GAB1: variants seen among roughly 807,000 people sequenced by gnomAD.
GAB1 encodes GRB2-associated-binding protein 1.
In GAB1, 19 loss-of-function variants were observed where a neutral mutation model predicts 66.5. That is an observed-to-expected ratio of 0.29 (90% CI 0.20 to 0.42). The LOEUF (loss-of-function observed/expected upper bound fraction) is 0.42. Among genes scored for constraint, GAB1 ranks in the 10% least tolerant of loss-of-function variants. The pLI is 1.00. For synonymous variants in GAB1, 294 were observed against 301.4 expected, an observed-to-expected ratio of 0.98 and a Z score of 0.25; for missense variants, 732 against 858.5, an observed-to-expected ratio of 0.85 and a Z score of 1.84.
intron 8 of GAB1, among the ~76,000 whole-genome samples, chr4:143,461,553 G>A (rs1274468292): frequency 6.6e-6 from 1 of 152,186 alleles, no homozygotes. Context: ...CCTCGAAACT[G>A]CTTTATAGAA....
intron 1 of GAB1, among the ~76,000 whole-genome samples, chr4:143,339,508 C>T (rs764558240): frequency 3.3e-5 from 5 of 152,186 alleles, no homozygotes; most frequent in Non-Finnish European, 7.3e-5. Context: ...GAGACTCCGT[C>T]TCAAAAATAG....
intron 1 of GAB1, among the ~76,000 whole-genome samples, chr4:143,410,569 G>C (rs975235212): frequency 6.6e-6 from 1 of 152,174 alleles, no homozygotes; most frequent in Non-Finnish European, 1.5e-5. Flanking sequence ...GCTTCAGTGT[G>C]ACAGTTCTAC....
intron 1 of GAB1, among the ~76,000 whole-genome samples, chr4:143,408,204 A>G (rs1182476672): frequency 6.6e-6 from 1 of 152,232 alleles, no homozygotes; most frequent in Non-Finnish European, 1.5e-5. Context: ...ATTGCAGAGT[A>G]ATAATAAAAT....
At chr4:143,453,435 T>C (rs1039782699) in intron 6 of GAB1, among the ~76,000 whole-genome samples, 1 of 152,186 alleles carries the variant, frequency 6.6e-6, no homozygotes, top group Non-Finnish European at 1.5e-5. Context: ...ATTTCATGCA[T>C]CTGCTTTTGG....
intron 1 of GAB1, chr4:143,394,761 G>GA (rs2149691269): frequency 6.6e-6 from 1 of 152,084 alleles, no homozygotes; most frequent in South Asian, 2.1e-4. Flanking sequence ...TAAAAAACAG[G>GA]AAAAAAATTT....
intron 1 of GAB1, chr4:143,350,131 G>A (rs1025532541): frequency 1.1e-4 from 100 of 940,070 alleles, no homozygotes; most frequent in South Asian, 1.0e-3. Context: ...GTGTTTTCTC[G>A]GAAAAGAAGC....
chr4:143,429,907 A>G lies in GAB1; in HGVS notation c.368-3584A>G, dbSNP rs957742782. Among the ~76,000 whole-genome samples the G allele has an allele frequency of 2.0e-5, 3 of 152,258 alleles. No homozygotes were observed. In the East Asian group the frequency reaches 5.8e-4, roughly 29 times the overall value. The stretch of plus-strand genomic sequence containing the variant: ...TGCTCCAAATTTTGTTCACAGGATT[A>G]TACCTTACTCAATTATTAAAGGCCA... On this transcript the variant is annotated intron_variant, in intron 2 of 9. Coordinates refer to ENST00000262994, the MANE Select transcript of GAB1 (RefSeq NM_002039.4).
At chr4:143,391,426 G>T (rs1223589725) in intron 1 of GAB1, 1 of 152,206 alleles carries the variant, frequency 6.6e-6, no homozygotes, top group East Asian at 1.9e-4. Context: ...TTAGCTATAT[G>T]CTCTTCCTTC....
rs980246767 is a variant in GAB1 at position 143,470,287 on chromosome 4, T to G, written c.*1098T>G. Reference sequence around the variant, plus strand: ...TTTAATTCCCTATGCAATTAATATTTTATATCTGCATTTTTTTAAAAAAAA... The same window carrying G: ...TTTAATTCCCTATGCAATTAATATTGTATATCTGCATTTTTTTAAAAAAAA... On this transcript the variant is annotated 3_prime_UTR_variant, in exon 10 of 10. Transcript: ENST00000262994. 3 of 152,216 alleles carry G rather than the reference T, an allele frequency of 2.0e-5. No homozygotes were observed. The highest frequency in any genetic ancestry group is 4.4e-5 in the Non-Finnish European group (3 of 68,034). The allele number at this position is 152,216 out of a possible 1,614,324, so 9.4% of individuals were successfully genotyped here.
intron 2 of GAB1, among the ~76,000 whole-genome samples, chr4:143,432,926 T>A (rs973921430): frequency 6.6e-6 from 1 of 152,226 alleles, no homozygotes; most frequent in Admixed American, 6.5e-5. Flanking sequence ...GAAGAGGTGA[T>A]GCCTTAAAGA....
chr4:143,382,419 A>T (rs1560730825), intron 1 of GAB1, among the ~76,000 whole-genome samples: 1 of 152,208 alleles, frequency 6.6e-6, no homozygotes, highest in African/African-American at 2.4e-5. Context: ...TCCCTCAGGA[A>T]TAGTGTAAAA....
At chr4:143,344,749 CA>C (rs1728936478) in intron 1 of GAB1, among the ~76,000 whole-genome samples, 1 of 152,140 alleles carries the variant, frequency 6.6e-6, no homozygotes, top group Non-Finnish European at 1.5e-5. Context: ...TATGTTTGAG[CA>C]TCTTAAATAA....
At chr4:143,454,690 C>T (rs1735088898) in intron 6 of GAB1, among the ~76,000 whole-genome samples, 2 of 152,250 alleles carry the variant, frequency 1.3e-5, no homozygotes, top group Middle Eastern at 3.4e-3. Context: ...GGATCAGTTG[C>T]TCTGTGCGGT....
chr4:143,359,680 A>G (rs143748493), intron 1 of GAB1, among the ~76,000 whole-genome samples: 139 of 152,342 alleles, frequency 9.1e-4, no homozygotes, highest in Non-Finnish European at 1.5e-3. Context: ...TTCATTTATA[A>G]TCAGGCCAGC....
chr4:143,453,341 C>G (rs1251700160), intron 6 of GAB1, among the ~76,000 whole-genome samples: 1 of 151,416 alleles, frequency 6.6e-6, no homozygotes, highest in Non-Finnish European at 1.5e-5. Context: ...CAAGGAATAC[C>G]CTAGAAAAGG....
chr4:143,388,277 T>G (rs1182334019), intron 1 of GAB1, among the ~76,000 whole-genome samples: 1 of 152,200 alleles, frequency 6.6e-6, no homozygotes, highest in Non-Finnish European at 1.5e-5. Flanking sequence ...ATCAGTTTCA[T>G]CTAGTAGGTG....
intron 3 of GAB1, among the ~76,000 whole-genome samples, chr4:143,436,066 G>T (rs1382918924): frequency 1.3e-5 from 2 of 152,182 alleles, no homozygotes; most frequent in Non-Finnish European, 2.9e-5. Context: ...ATTAAATGAA[G>T]TACAAATTTT....
chr4:143,413,308 A>T (rs73850416), intron 1 of GAB1, among the ~76,000 whole-genome samples: 4,833 of 152,280 alleles, frequency 0.032, 246 homozygotes, highest in African/African-American at 0.11. Flanking sequence ...TTTATTTTGC[A>T]GTAAGTAGAT....
At chr4:143,404,325 C>G (rs1731930853) in intron 1 of GAB1, among the ~76,000 whole-genome samples, 1 of 152,120 alleles carries the variant, frequency 6.6e-6, no homozygotes, top group Admixed American at 6.5e-5. Context: ...CTAATCATGA[C>G]AATAACAACA....
Sources: allele counts gnomAD v4.1 joint callset (sites outside exome capture counted in the v4.1 genomes callset), GRCh38; gene constraint gnomAD v4.1.1; transcripts MANE v1.5; gene names NCBI Gene and HGNC (gene_info 2026-07-23, HGNC 2026-07-21).